The following GRM1 variants were observed in gnomAD, a reference collection of about 807,000 sequenced individuals.
The protein encoded by GRM1 is glutamate metabotropic receptor 1.
A neutral mutation model predicts 90.9 loss-of-function variants in GRM1; 33 were observed. The ratio of observed to expected loss-of-function variants is 0.36; its 90% CI spans 0.28 to 0.49. The LOEUF is 0.49. Ranked by LOEUF, GRM1 falls within the 20% of genes least tolerant of loss-of-function variation. GRM1 has a pLI of 0.99. For missense variants in GRM1, 1,190 were observed against 1,534.3 expected, an observed-to-expected ratio of 0.78 and a Z score of 3.75; for synonymous variants, 700 against 613.2, an observed-to-expected ratio of 1.14 and a Z score of -2.09.
chr6:146,252,311 T>G (rs1006588813), intron 2 of GRM1, among the ~76,000 whole-genome samples: 1 of 152,190 alleles, frequency 6.6e-6, no homozygotes, highest in Non-Finnish European at 1.5e-5. Context: ...TGGGGAGACT[T>G]CCTGAGGGAG....
At chr6:146,121,068 G>C (rs1775969791) in intron 1 of GRM1, among the ~76,000 whole-genome samples, 1 of 152,028 alleles carries the variant, frequency 6.6e-6, no homozygotes, top group Non-Finnish European at 1.5e-5. Context: ...GTCTCGTCCT[G>C]GGCTTTTTTT....
intron 2 of GRM1, among the ~76,000 whole-genome samples, chr6:146,204,346 C>A (rs533408876): frequency 6.6e-6 from 1 of 152,144 alleles, no homozygotes; most frequent in African/African-American, 2.4e-5. Context: ...TGAACGTTTA[C>A]GGTTAGCAAA....
intron 1 of GRM1, among the ~76,000 whole-genome samples, chr6:146,133,558 G>T (rs1402973511): frequency 1.3e-5 from 2 of 152,116 alleles, no homozygotes; most frequent in African/African-American, 2.4e-5. Flanking sequence ...AAAACTACCT[G>T]TCTTCCTTGC....
intron 3 of GRM1, among the ~76,000 whole-genome samples, chr6:146,305,481 C>T (rs1783543684): frequency 1.3e-5 from 2 of 152,140 alleles, no homozygotes; most frequent in African/African-American, 4.8e-5. Flanking sequence ...CTACCATAAC[C>T]CAGATTCTGA....
At chr6:146,143,032 C>T (rs1395639784) in intron 1 of GRM1, among the ~76,000 whole-genome samples, 1 of 152,128 alleles carries the variant, frequency 6.6e-6, no homozygotes, top group Non-Finnish European at 1.5e-5. Context: ...ATCTCAGTCT[C>T]CCCCAAGGCC....
chr6:146,298,303 C>G (rs1783257020), intron 2 of GRM1, among the ~76,000 whole-genome samples: 1 of 152,132 alleles, frequency 6.6e-6, no homozygotes, highest in Non-Finnish European at 1.5e-5. Context: ...TTGTGCATAG[C>G]TCTTGCTTCC....
At chr6:146,329,929 A>G (rs533515420) in intron 3 of GRM1, among the ~76,000 whole-genome samples, 1 of 152,338 alleles carries the variant, frequency 6.6e-6, no homozygotes, top group African/African-American at 2.4e-5. Flanking sequence ...CTGAATGTGT[A>G]TATCTTAAGT....
intron 5 of GRM1, among the ~76,000 whole-genome samples, chr6:146,372,518 T>C (rs1388826723): frequency 6.6e-6 from 1 of 152,110 alleles, no homozygotes; most frequent in Non-Finnish European, 1.5e-5. Flanking sequence ...TTGTGGGGTA[T>C]TGCTCAAGAA....
chr6:146,102,283 A>C (rs1038588588), intron 1 of GRM1, among the ~76,000 whole-genome samples: 1 of 152,166 alleles, frequency 6.6e-6, no homozygotes, highest in African/African-American at 2.4e-5. Context: ...TTCACTTAAC[A>C]TACCAACTTC....
chr6:146,412,621 C>T lies in GRM1; in HGVS notation c.2660+12922C>T, dbSNP rs551456950. Among the ~76,000 whole-genome samples, 18 of 152,282 alleles carry T rather than the reference C, an allele frequency of 1.2e-4. No individual in the cohort carries two copies. In the East Asian group the frequency reaches 3.1e-3, roughly 26 times the overall value. ...TTTCCCAAAGCCTACCTTATTATAC[C>T]TGTGCTCAGCTTTTCTGACAGAAAT... On this transcript the variant is annotated intron_variant, in intron 7 of 7. Transcript: ENST00000282753.
chr6:146,319,182 G>T (rs763740086), intron 3 of GRM1, among the ~76,000 whole-genome samples: 11 of 151,162 alleles, frequency 7.3e-5, no homozygotes, highest in Non-Finnish European at 1.6e-4. Context: ...TAAGGTGTAA[G>T]GAAGGGGTCC....
intron 7 of GRM1, among the ~76,000 whole-genome samples, chr6:146,430,978 A>G (rs1016222556): frequency 9.2e-5 from 14 of 152,244 alleles, no homozygotes; most frequent in Non-Finnish European, 1.5e-4. Flanking sequence ...TAATGCAGGT[A>G]TAGATGCATG....
At chr6:146,062,473 C>T (rs1200772988) in intron 1 of GRM1, among the ~76,000 whole-genome samples, 1 of 138,790 alleles carries the variant, frequency 7.2e-6, no homozygotes, top group East Asian at 2.0e-4. Context: ...GCACATGTGT[C>T]TCAGAACTTA....
chr6:146,368,415 A>G (rs1775779270), intron 5 of GRM1, among the ~76,000 whole-genome samples: 1 of 152,124 alleles, frequency 6.6e-6, no homozygotes, highest in Admixed American at 6.6e-5. Context: ...CATGTTGAAT[A>G]AAAATGGTGA....
At chr6:146,364,989 A>G (rs905598578) in intron 5 of GRM1, 2 of 152,112 alleles carry the variant, frequency 1.3e-5, no homozygotes, top group Non-Finnish European at 2.9e-5. Flanking sequence ...TCTAAATCAT[A>G]TAGTTAATGT....
At chr6:146,302,539 TTTTATTTA>T (rs370040664) in intron 2 of GRM1, among the ~76,000 whole-genome samples, 29 of 150,282 alleles carry the variant, frequency 1.9e-4, no homozygotes, top group South Asian at 8.5e-4. Flanking sequence ...ATCCAGATAA[TTTTATTTA>T]TTTATTTATT....
At chr6:146,344,915 G>A (rs537745008) in intron 3 of GRM1, among the ~76,000 whole-genome samples, 21 of 152,108 alleles carry the variant, frequency 1.4e-4, no homozygotes, top group Middle Eastern at 6.8e-3. Flanking sequence ...AGGTTCAAGC[G>A]ATTCTCCTGC....
intron 2 of GRM1, among the ~76,000 whole-genome samples, chr6:146,291,616 C>G (rs1178509230): frequency 1.3e-5 from 2 of 151,644 alleles, no homozygotes; most frequent in South Asian, 4.2e-4. Context: ...CAGGAAACTA[C>G]AAAAGATTGC....
At position 146,396,104 on chromosome 6, in the gene GRM1, C is replaced by CTATCTATCT. The variant is rs1554307314; in HGVS notation, c.1730-2665_1730-2664insTATCTATCT. 1.6e-4 allele frequency among the ~76,000 whole-genome samples: 24 copies of CTATCTATCT among 147,012 alleles called. No individual in the cohort carries two copies. The South Asian group carries it at 3.1e-3, about 19-fold the overall frequency. ...TCTATCTATCTATCTATCTATCTATCGTCTATATATATATATTTATCATCT... is the reference window on the plus strand; with the variant it reads ...TCTATCTATCTATCTATCTATCTATCTATCTATCTGTCTATATATATATATTTATCATCT... On this transcript the variant is annotated intron_variant, in intron 6 of 7. Transcript: ENST00000282753.
Sources: allele counts gnomAD v4.1 joint callset (sites outside exome capture counted in the v4.1 genomes callset), GRCh38; gene constraint gnomAD v4.1.1; transcripts MANE v1.5; gene names NCBI Gene and HGNC (gene_info 2026-07-23, HGNC 2026-07-21).